CLCN5: variants seen among roughly 807,000 people sequenced by gnomAD.
CLCN5 encodes Cl-/H+ antiporter 5, also known as H(+)/Cl(-) exchange transporter 5.
CLCN5 carries 17 observed loss-of-function variants against 54.0 expected under a neutral mutation model. The ratio of observed to expected loss-of-function variants is 0.31; its 90% confidence interval spans 0.22 to 0.47. CLCN5 has a LOEUF of 0.47. Ranked by LOEUF, CLCN5 falls within the 20% of genes least tolerant of loss-of-function variation. The pLI is 1.00. For synonymous variants in CLCN5, 222 were observed against 233.0 expected, an observed-to-expected ratio of 0.95 and a Z score of 0.43; for missense variants, 448 against 646.7, an observed-to-expected ratio of 0.69 and a Z score of 3.33.
chrX:49,977,356 A>T (rs1246589050), intron 3 of CLCN5, among the ~76,000 whole-genome samples: 1 of 111,798 alleles, frequency 8.9e-6, no homozygotes, highest in Non-Finnish European at 1.9e-5. Flanking sequence ...TTGTGAATAT[A>T]TATGTGTCAA....
chrX:50,080,498 TG>T (rs1933644638), intron 7 of CLCN5, 95 bp from the exon 8 acceptor site: 53 of 736,023 alleles, frequency 7.2e-5, no homozygotes, highest in East Asian at 1.5e-4. Flanking sequence ...TTTTTTTTTT[TG>T]GACTTTTTTT....
intron 3 of CLCN5, among the ~76,000 whole-genome samples, chrX:49,969,073 T>C (rs1557175885): frequency 9.0e-6 from 1 of 111,465 alleles, no homozygotes; most frequent in African/African-American, 3.3e-5. Context: ...GAAACCTTTC[T>C]TTCTTTCTTT....
intron 3 of CLCN5, among the ~76,000 whole-genome samples, chrX:49,956,417 C>T (rs1239170720): frequency 1.8e-5 from 2 of 112,453 alleles, no homozygotes; most frequent in African/African-American, 3.2e-5. Flanking sequence ...ATCTGCCTCA[C>T]AGGAGTGTTG....
intron 3 of CLCN5, among the ~76,000 whole-genome samples, chrX:50,017,178 T>C (rs1557183677): frequency 9.0e-6 from 1 of 111,641 alleles, no homozygotes; most frequent in African/African-American, 3.3e-5. Flanking sequence ...GGTAAGACTA[T>C]GTTTAATTTT....
At chrX:50,006,296 T>C (rs1379617570) in intron 3 of CLCN5, among the ~76,000 whole-genome samples, 2 of 112,374 alleles carry the variant, frequency 1.8e-5, no homozygotes, top group African/African-American at 6.5e-5. Flanking sequence ...ACATATGAGT[T>C]GGGTACATAT....
chrX:50,092,116 G>T lies in CLCN5; in HGVS notation c.2361-13G>T, dbSNP rs782583197. On this transcript the variant is annotated splice_polypyrimidine_tract_variant and intron_variant, in intron 14 of 14. Coordinates refer to ENST00000376091, the MANE Select transcript of CLCN5 (RefSeq NM_001127898.4). Reference sequence around the variant, plus strand: ...ATTTATTTTTGTTTTTTTGTATTGTGTTTGTCTTTTAGGCGATTGCTTGGA... The same window carrying T: ...ATTTATTTTTGTTTTTTTGTATTGTTTTTGTCTTTTAGGCGATTGCTTGGA... 8.5e-7 allele frequency: 1 copy of T among 1,173,533 alleles called. No individual in the cohort carries two copies. Among genetic ancestry groups the T allele is most frequent in the Non-Finnish European group, 1.2e-6 (1 of 861,062 alleles).
At chrX:49,969,174 T>G (rs930424074) in intron 3 of CLCN5, among the ~76,000 whole-genome samples, 2 of 110,458 alleles carry the variant, frequency 1.8e-5, no homozygotes, top group African/African-American at 3.3e-5. Context: ...GCCTCCCAGG[T>G]TCAAGCAATT....
chrX:50,030,227 C>A (rs1569539067), intron 3 of CLCN5, among the ~76,000 whole-genome samples: 3 of 111,936 alleles, frequency 2.7e-5, no homozygotes, highest in Non-Finnish European at 3.8e-5. Context: ...ACTTTCCAAT[C>A]AAGAGCATAA....
rs782549182 is a variant in CLCN5, at chrX:50,033,605, A to G, written c.17-8711A>G. 6.9e-3 allele frequency among the ~76,000 whole-genome samples: 771 copies of G among 111,145 alleles called. 11 individuals carry two copies. Among genetic ancestry groups the G allele is most frequent in the African/African-American group, 0.025 (749 of 30,563 alleles). Reference sequence around the variant, plus strand: ...ATGGCCATACTGCCCAAGGTAATTTATAGGTTCAATGCCATCCCCATCAAG... The same window carrying G: ...ATGGCCATACTGCCCAAGGTAATTTGTAGGTTCAATGCCATCCCCATCAAG... On this transcript the variant is annotated intron_variant, in intron 3 of 14. Transcript: ENST00000376091.
chrX:49,939,438 C>T (rs868995609), intron 3 of CLCN5, among the ~76,000 whole-genome samples: 11 of 111,435 alleles, frequency 9.9e-5, no homozygotes. Flanking sequence ...CACATATACA[C>T]GATGGGATAC....
At chrX:50,086,105 G>T (rs1557193849) in intron 10 of CLCN5, 45 bp downstream of exon 10, 1 of 1,051,573 alleles carries the variant, frequency 9.5e-7, no homozygotes, top group Non-Finnish European at 1.3e-6. Flanking sequence ...TTTGTGTCAG[G>T]AATTTTGTAC....
intron 3 of CLCN5, chrX:50,003,491 C>T (rs1329122756): frequency 5.2e-6 from 2 of 381,194 alleles, no homozygotes; most frequent in Admixed American, 5.1e-5. Context: ...GCCAAGAGAG[C>T]AAGCCCTTCC....
chrX:49,928,053 A>G (rs2147249618), intron 3 of CLCN5, among the ~76,000 whole-genome samples: 1 of 112,365 alleles, frequency 8.9e-6, no homozygotes, highest in East Asian at 2.8e-4. Context: ...GGTTATAAAC[A>G]TACAGCTAGA....
chrX:50,065,627 A>G (rs1249283742), intron 4 of CLCN5, among the ~76,000 whole-genome samples: 1 of 83,780 alleles, frequency 1.2e-5, no homozygotes, highest in Non-Finnish European at 2.3e-5. Flanking sequence ...ATCTAGAACT[A>G]GAAATACCAT....
chrX:50,011,804 GCACACA>G (rs1557182590), intron 3 of CLCN5, among the ~76,000 whole-genome samples: 1 of 111,948 alleles, frequency 8.9e-6, no homozygotes, highest in Non-Finnish European at 1.9e-5. Context: ...GAGCACATGT[GCACACA>G]CGCACACGTG....
rs147070051 is a variant in CLCN5, at chrX:49,927,349, T to C, written c.16+2035T>C. Reference sequence around the variant, plus strand: ...GCCCAGGCCCTGAAATCAGATGTGCTTAAAATTACATTGAAGTGAAACCTC... The same window carrying C: ...GCCCAGGCCCTGAAATCAGATGTGCCTAAAATTACATTGAAGTGAAACCTC... On this transcript the variant is annotated intron_variant, in intron 3 of 14. Transcript: ENST00000376091. Among the ~76,000 whole-genome samples the C allele has an allele frequency of 1.8e-3, 203 of 112,377 alleles. 5 individuals are homozygous for C. In the East Asian group the frequency reaches 0.054, roughly 30 times the overall value.
chrX:49,936,653 G>C (rs782163306), intron 3 of CLCN5, among the ~76,000 whole-genome samples: 5 of 112,286 alleles, frequency 4.5e-5, no homozygotes, highest in African/African-American at 1.6e-4. Context: ...TCAGATGATT[G>C]ACTGAAAAGT....
chrX:49,998,412 C>T (rs1309781549), intron 3 of CLCN5, among the ~76,000 whole-genome samples: 3 of 111,878 alleles, frequency 2.7e-5, no homozygotes, highest in Non-Finnish European at 3.8e-5. Flanking sequence ...CCCTCTGCTC[C>T]TGCCATTTTG....
At chrX:50,038,431 T>A (rs1243118058) in intron 3 of CLCN5, among the ~76,000 whole-genome samples, 1 of 111,616 alleles carries the variant, frequency 9.0e-6, no homozygotes, top group Non-Finnish European at 1.9e-5. Flanking sequence ...ATAAAAAGTA[T>A]GTGCCCTCTA....
Sources: allele counts gnomAD v4.1 joint callset (sites outside exome capture counted in the v4.1 genomes callset), GRCh38; gene constraint gnomAD v4.1.1; transcripts MANE v1.5; gene names NCBI Gene and HGNC (gene_info 2026-07-23, HGNC 2026-07-21).